The following UTRN variants were observed in gnomAD, a reference collection of about 807,000 sequenced individuals.
UTRN encodes dystrophin-related protein 1.
Under a neutral mutation model 463.9 loss-of-function variants are expected in UTRN, and 283 were observed. That is an observed-to-expected ratio of 0.61 (90% CI 0.55 to 0.67). The LOEUF is 0.67. Ranked by LOEUF, UTRN falls within the 30% of genes least tolerant of loss-of-function variation. UTRN has a pLI of 0.00. For synonymous variants in UTRN, 1,442 were observed against 1,431.5 expected (o/e 1.01, Z -0.17); for missense variants, 3,922 against 4,084.3 (o/e 0.96, Z 1.08).
chr6:144,805,238 G>A (rs1778043556), intron 65 of UTRN, among the ~76,000 whole-genome samples: 1 of 152,128 alleles, frequency 6.6e-6, no homozygotes. Context: ...AGAAAGATAA[G>A]ATTGTGGACT....
intron 60 of UTRN, among the ~76,000 whole-genome samples, chr6:144,777,305 G>A (rs1000845289): frequency 6.6e-6 from 1 of 152,024 alleles, no homozygotes; most frequent in Non-Finnish European, 1.5e-5. Context: ...CTAGTAATCA[G>A]CATCAACATG....
intron 69 of UTRN, among the ~76,000 whole-genome samples, chr6:144,834,814 G>A (rs1780970585): frequency 6.6e-6 from 1 of 152,172 alleles, no homozygotes; most frequent in South Asian, 2.1e-4. Context: ...AGCTGCTTCA[G>A]TCATGAGATA....
At position 144,493,413 on chromosome 6, in the gene UTRN, A is replaced by C; in HGVS notation, c.4550A>C (p.Gln1517Pro). ...GACAACCCAAAAGGGATGGATGAGC[A>C]GCTGACTTCCCTGAAGGTTCTTTAC... Reference protein sequence around the residue: ...QTDNPKGMDEQLTSLKVLYND... With the variant: ...QTDNPKGMDEPLTSLKVLYND... The change falls in exon 33 of 75, where the codon CAG becomes CCG. Residue 1517 changes from glutamine (Q) to proline (P), a missense_variant. This residue lies in a region of UTRN where 2,349 missense variants were observed against 2,303.8 expected (regional missense o/e 1.02). Transcript: ENST00000367545. 1 of 1,614,120 alleles carries C rather than the reference A, an allele frequency of 6.2e-7. No individual in the cohort carries two copies. The highest frequency in any genetic ancestry group is 8.5e-7 in the Non-Finnish European group (1 of 1,179,958).
At chr6:144,491,375 C>T (rs1364182577) in intron 32 of UTRN, among the ~76,000 whole-genome samples, 1 of 152,118 alleles carries the variant, frequency 6.6e-6, no homozygotes, top group Non-Finnish European at 1.5e-5. Context: ...AGCTTAATCA[C>T]CATGTGAAGT....
intron 2 of UTRN, among the ~76,000 whole-genome samples, chr6:144,356,681 C>G (rs1043320511): frequency 5.3e-5 from 8 of 151,946 alleles, no homozygotes; most frequent in African/African-American, 1.9e-4. Flanking sequence ...GGTGTGGTGG[C>G]GAATGCCTGT....
intron 44 of UTRN, among the ~76,000 whole-genome samples, chr6:144,539,065 A>T (rs1797781687): frequency 6.6e-6 from 1 of 152,222 alleles, no homozygotes; most frequent in South Asian, 2.1e-4. Flanking sequence ...TGAGTACCAG[A>T]GAGCCCGTTT....
chr6:144,801,610 T>G (rs1411278899), intron 64 of UTRN, among the ~76,000 whole-genome samples: 1 of 152,228 alleles, frequency 6.6e-6, no homozygotes, highest in Admixed American at 6.5e-5. Flanking sequence ...AATAAAATGT[T>G]AATGAAATCT....
chr6:144,727,599 A>G (rs1264869785), intron 53 of UTRN, among the ~76,000 whole-genome samples: 4 of 152,082 alleles, frequency 2.6e-5, no homozygotes, highest in Non-Finnish European at 5.9e-5. Flanking sequence ...TCTACTAAAA[A>G]TACAAAAAAA....
chr6:144,539,022 G>C (rs561370354), intron 44 of UTRN, among the ~76,000 whole-genome samples: 5 of 152,256 alleles, frequency 3.3e-5, no homozygotes, highest in African/African-American at 1.2e-4. Context: ...AATTAGCAGT[G>C]TAAAAATAAT....
At chr6:144,423,330 G>T (rs1222095803) in intron 4 of UTRN, among the ~76,000 whole-genome samples, 1 of 152,176 alleles carries the variant, frequency 6.6e-6, no homozygotes, top group African/African-American at 2.4e-5. Flanking sequence ...CAACGTGCAT[G>T]CAAGTTAGGG....
In UTRN at chr6:144,539,316, T is replaced by A. The variant is rs747044128; in HGVS notation, c.6392T>A (p.Val2131Glu). ...ELRDLTQEMEVHAEKLKWLNR... is the reference protein window; with the variant it reads ...ELRDLTQEMEEHAEKLKWLNR... ...CAGGACTTAACTCAAGAAATGGAAG[T>A]ACATGCTGAAAAACTCAAATGGCTG... Residue 2131 changes from valine to glutamate, a missense_variant, in exon 45 of 75, where the codon GTA (valine) becomes GAA (glutamate). Around this residue, in one of 3 missense-constraint regions of UTRN, gnomAD observed 2,349 missense variants for 2,303.8 expected, o/e 1.02. Transcript: ENST00000367545. 2.2e-5 allele frequency: 35 copies of A among 1,612,396 alleles called. No individual in the cohort carries two copies. Among genetic ancestry groups the A allele is most frequent in the Non-Finnish European group, 3.0e-5 (35 of 1,179,340 alleles).
chr6:144,690,888 C>G (rs1783330826), intron 52 of UTRN, among the ~76,000 whole-genome samples: 1 of 152,150 alleles, frequency 6.6e-6, no homozygotes, highest in Non-Finnish European at 1.5e-5. Flanking sequence ...TGGCCTGGCT[C>G]ATGATATACA....
At chr6:144,310,160 G>A (rs571018473) in intron 2 of UTRN, among the ~76,000 whole-genome samples, 12 of 152,354 alleles carry the variant, frequency 7.9e-5, no homozygotes, top group African/African-American at 2.2e-4. Flanking sequence ...ATAAATACAC[G>A]TGTGCAGAAG....
In UTRN at chr6:144,622,180, T is replaced by G. The variant is rs1197974841; in HGVS notation, c.7479+44892T>G. Among the ~76,000 whole-genome samples, 6 of 126,850 alleles carry G rather than the reference T, an allele frequency of 4.7e-5. 1 individual carries two copies. The highest frequency in any genetic ancestry group is 9.5e-5 in the Non-Finnish European group (6 of 63,010). The allele number at this position is 126,850 out of a possible 152,430, so 83.2% of individuals were successfully genotyped here. ...ACAATAGATGGTATCCATTTTTTTTTGTTGTTTTTTTTTTTTTTTTTTTTT... is the reference window on the plus strand; with the variant it reads ...ACAATAGATGGTATCCATTTTTTTTGGTTGTTTTTTTTTTTTTTTTTTTTT... On this transcript the variant is annotated intron_variant, in intron 51 of 74. Coordinates refer to ENST00000367545, the MANE Select transcript of UTRN (RefSeq NM_007124.3).
chr6:144,541,609 A>G (rs1160289532), intron 45 of UTRN, among the ~76,000 whole-genome samples: 1 of 152,186 alleles, frequency 6.6e-6, no homozygotes, highest in Non-Finnish European at 1.5e-5. Flanking sequence ...CATTCACTCA[A>G]TAGGTTTTTA....
chr6:144,577,348 T>C (rs1801537707), intron 51 of UTRN, 60 bp downstream of exon 51: 2 of 1,538,730 alleles, frequency 1.3e-6, no homozygotes, highest in African/African-American at 1.4e-5. Flanking sequence ...TTGATCCCTC[T>C]GCATGCAAAT....
chr6:144,831,137 T>C (rs962093179), intron 69 of UTRN, among the ~76,000 whole-genome samples: 5 of 152,188 alleles, frequency 3.3e-5, no homozygotes, highest in Non-Finnish European at 5.9e-5. Context: ...AAGAACATGA[T>C]GAAGGCATTT....
At position 144,852,201 on chromosome 6, in the gene UTRN, C is replaced by T. The variant is rs967642782; in HGVS notation, c.*1204C>T. ...AAGAATGTTTATCAAAAGTCTATGT[C>T]ACTGCTTCTACAGAAGAATGAAATT... On this transcript the variant is annotated 3_prime_UTR_variant, in exon 75 of 75. Transcript: ENST00000367545. 1.3e-5 allele frequency: 2 copies of T among 152,146 alleles called. No homozygotes were observed. Among genetic ancestry groups the T allele is most frequent in the Non-Finnish European group, 2.9e-5 (2 of 68,018 alleles). The allele number at this position is 152,146 out of a possible 1,614,324, so 9.4% of individuals were successfully genotyped here. A position where few individuals can be genotyped will look rare whatever the true frequency, so the allele number is the denominator to read the frequency against.
intron 48 of UTRN, among the ~76,000 whole-genome samples, chr6:144,553,120 C>T (rs772490540): frequency 8.5e-5 from 13 of 152,306 alleles, no homozygotes; most frequent in Admixed American, 2.0e-4. Flanking sequence ...TCACTGCAAC[C>T]TCTGCCTCCT....
Sources: gnomAD v4.1 joint callset for allele counts (sites outside exome capture counted in the v4.1 genomes callset) on GRCh38, gnomAD v4.1.1 for gene constraint, gnomAD v4.1.1 regional missense constraint, MANE v1.5 for transcripts, NCBI Gene and HGNC (gene_info 2026-07-23, HGNC 2026-07-21) for gene names.